Variants in MORC1 observed in about 807,000 individuals in gnomAD.
The protein encoded by MORC1 is MORC family CW-type zinc finger 1, also known as MORC family CW-type zinc finger protein 1.
In MORC1, 59 loss-of-function variants were observed where a neutral mutation model predicts 134.9. The ratio of observed to expected loss-of-function variants is 0.44; its 90% CI spans 0.35 to 0.54. The LOEUF is 0.54. Among genes scored for constraint, MORC1 ranks in the 20% least tolerant of loss-of-function variants. The pLI is 0.00. For synonymous variants in MORC1, 395 were observed against 391.7 expected, an observed-to-expected ratio of 1.01 and a Z score of -0.10; for missense variants, 947 against 1,134.5, an observed-to-expected ratio of 0.83 and a Z score of 2.37.
chr3:109,004,281 G>A (rs9816154), intron 20 of MORC1, among the ~76,000 whole-genome samples: 3 of 152,018 alleles, frequency 2.0e-5, no homozygotes, highest in South Asian at 2.1e-4. Context: ...GAACAATATC[G>A]ACTCTTTAAG....
intron 6 of MORC1, among the ~76,000 whole-genome samples, chr3:109,096,703 A>T (rs1950837159): frequency 6.6e-6 from 1 of 152,188 alleles, no homozygotes; most frequent in Admixed American, 6.5e-5. Context: ...CCTATGGAGT[A>T]ATCATTCTCT....
At chr3:109,044,383 C>T (rs575062414) in intron 14 of MORC1, among the ~76,000 whole-genome samples, 1 of 151,448 alleles carries the variant, frequency 6.6e-6, no homozygotes, top group South Asian at 2.1e-4. Context: ...ACAGTGAAAC[C>T]CCATCTCTAC....
intron 20 of MORC1, among the ~76,000 whole-genome samples, chr3:109,002,845 T>A (rs928539600): frequency 1.3e-5 from 2 of 152,220 alleles, no homozygotes; most frequent in Non-Finnish European, 2.9e-5. Flanking sequence ...CTATAGTACC[T>A]GCCCTACTCC....
At position 108,958,668 on chromosome 3, in the gene MORC1, G is replaced by C. The variant is rs115684294; in HGVS notation, c.*297C>G. 1,331 of 165,052 alleles carry C rather than the reference G, an allele frequency of 8.1e-3. 7 individuals are homozygous for C. The highest frequency in any genetic ancestry group is 0.011 in the Non-Finnish European group (868 of 76,778). The allele number at this position is 165,052 out of a possible 1,614,324, so 10.2% of individuals were successfully genotyped here. A position where few individuals can be genotyped will look rare whatever the true frequency, so the allele number is the denominator to read the frequency against. On this transcript the variant is annotated 3_prime_UTR_variant, in exon 28 of 28. Transcript: ENST00000232603. ...TCTTTTAAGGAATAACAAAAGTTAA[G>C]CTTGAGTGACATTTTCATTTTTTTC...
chr3:109,101,337 A>AGGCTAACC lies in MORC1; in HGVS notation c.224-838_224-831dup, dbSNP rs1169896835. The AGGCTAACC allele has an allele frequency of 2.0e-5, 3 of 152,330 alleles. No individual in the cohort carries two copies. In the East Asian group the frequency reaches 5.8e-4, roughly 29 times the overall value. 9.4% of individuals were successfully genotyped at this position (152,330 alleles called of 1,614,324 possible). A position where few individuals can be genotyped will look rare whatever the true frequency, so the allele number is the denominator to read the frequency against. Reference sequence around the variant, plus strand: ...CTGCTCTGATACTACCTGGGAAAGAAGGCTAACCATTTCAGACGTTCCAAA... The same window carrying AGGCTAACC: ...CTGCTCTGATACTACCTGGGAAAGAAGGCTAACCGGCTAACCATTTCAGACGTTCCAAA... On this transcript the variant is annotated intron_variant, in intron 4 of 27. Transcript: ENST00000232603.
intron 21 of MORC1, among the ~76,000 whole-genome samples, chr3:108,997,699 G>A (rs1948272890): frequency 6.6e-6 from 1 of 152,110 alleles, no homozygotes; most frequent in African/African-American, 2.4e-5. Flanking sequence ...TGAATGATCA[G>A]ATGGCTAAAA....
rs1469419713 is a variant in MORC1, at chr3:108,986,862, G to A, written c.2257+18C>T. 3 of 1,415,380 alleles carry A rather than the reference G, an allele frequency of 2.1e-6. No homozygotes were observed. Among genetic ancestry groups the A allele is most frequent in the South Asian group, 1.3e-5 (1 of 75,688 alleles). 87.7% of individuals were successfully genotyped at this position (1,415,380 alleles called of 1,614,324 possible). A position where few individuals can be genotyped will look rare whatever the true frequency, so the allele number is the denominator to read the frequency against. Reference sequence around the variant, plus strand: ...TTATAGCTAATATATATATATACATGAGCTGATTTTTTTTTACCTTGGTTT... The same window carrying A: ...TTATAGCTAATATATATATATACATAAGCTGATTTTTTTTTACCTTGGTTT... On this transcript the variant is annotated intron_variant, in intron 22 of 27. Coordinates refer to ENST00000232603, the MANE Select transcript of MORC1 (RefSeq NM_014429.4).
chr3:109,076,528 G>GT (rs2107723615), intron 8 of MORC1, among the ~76,000 whole-genome samples: 1 of 152,266 alleles, frequency 6.6e-6, no homozygotes, highest in East Asian at 1.9e-4. Context: ...ACGTGCACAC[G>GT]TATGTTTATT....
Position 109,023,874 on chromosome 3 carries a change from G to C in MORC1, c.1704+3877C>G, listed in dbSNP as rs566684693. Among the ~76,000 whole-genome samples, 21 of 152,310 alleles carry C rather than the reference G, an allele frequency of 1.4e-4. 1 individual carries two copies. In the South Asian group the frequency reaches 4.4e-3, roughly 32 times the overall value. On this transcript the variant is annotated intron_variant, in intron 17 of 27. Transcript: ENST00000232603. Reference sequence around the variant, plus strand: ...ATCACTTGGCCAGCAGGTGGCACTTGTCACTCGGTATAGAAAACAGCAGGT... The same window carrying C: ...ATCACTTGGCCAGCAGGTGGCACTTCTCACTCGGTATAGAAAACAGCAGGT...
rs1183533336 is a variant in MORC1, at chr3:109,005,261, A to AT, written c.1821dup (p.Ser608IlefsTer6). ...GCTGAAAGCTCAAAGGATGAAAGAG[A>AT]TTCATGCTTCAAGTCATCGCCCAAA... On this transcript the variant is annotated frameshift_variant, in exon 19 of 28. Coordinates refer to ENST00000232603, the MANE Select transcript of MORC1 (RefSeq NM_014429.4). LOFTEE classifies it high-confidence loss of function. 16 of 1,613,068 alleles carry AT rather than the reference A, an allele frequency of 9.9e-6. No homozygotes were observed. The highest frequency in any genetic ancestry group is 1.3e-5 in the Non-Finnish European group (15 of 1,179,728).
chr3:108,961,069 A>T (rs953208246), intron 27 of MORC1, among the ~76,000 whole-genome samples: 7 of 152,186 alleles, frequency 4.6e-5, no homozygotes, highest in African/African-American at 1.7e-4. Context: ...GACTGATCTA[A>T]ATCTCATTCC....
intron 2 of MORC1, among the ~76,000 whole-genome samples, chr3:109,111,117 A>G (rs1951161256): frequency 6.6e-6 from 1 of 151,412 alleles, no homozygotes; most frequent in Admixed American, 6.6e-5. Flanking sequence ...AATGTTTTTC[A>G]TATTTTAGTT....
intron 14 of MORC1, among the ~76,000 whole-genome samples, chr3:109,045,008 A>C (rs959059462): frequency 1.3e-5 from 2 of 152,044 alleles, no homozygotes; most frequent in Admixed American, 6.6e-5. Flanking sequence ...GTATCTGTTC[A>C]TAGAACATAC....
At chr3:108,965,729 G>C (rs1947202318) in intron 26 of MORC1, among the ~76,000 whole-genome samples, 1 of 151,940 alleles carries the variant, frequency 6.6e-6, no homozygotes, top group Non-Finnish European at 1.5e-5. Context: ...TTATGCACTG[G>C]GGAAACCGGG....
intron 23 of MORC1, among the ~76,000 whole-genome samples, chr3:108,979,934 T>C (rs1391070450): frequency 3.9e-5 from 6 of 152,186 alleles, no homozygotes; most frequent in Admixed American, 3.9e-4. Context: ...ACAGTAGTCA[T>C]ATACTACTTG....
At chr3:109,010,266 T>C (rs1196701675) in intron 17 of MORC1, among the ~76,000 whole-genome samples, 1 of 152,214 alleles carries the variant, frequency 6.6e-6, no homozygotes, top group African/African-American at 2.4e-5. Context: ...ATCCCCACTA[T>C]GCTTACCAAA....
intron 14 of MORC1, 58 bp from the exon 15 acceptor site, chr3:109,035,526 A>G (rs892207589): frequency 8.7e-7 from 1 of 1,150,436 alleles, no homozygotes; most frequent in Non-Finnish European, 1.2e-6. Flanking sequence ...AATCAAAACA[A>G]TTGGCAAAGG....
chr3:109,062,422 C>CTTT (rs757502962), intron 10 of MORC1, among the ~76,000 whole-genome samples: 1 of 139,038 alleles, frequency 7.2e-6, no homozygotes. Context: ...GAACATCCTT[C>CTTT]TTTTTTTTTT....
rs747236904 is a variant in MORC1, at chr3:109,016,103, T to C, written c.1705-9012A>G. Reference sequence around the variant, plus strand: ...GCATGAAACAACGTTTTGACTGTTTTGACTGCAACCTGTCACATAAACCAG... The same window carrying C: ...GCATGAAACAACGTTTTGACTGTTTCGACTGCAACCTGTCACATAAACCAG... On this transcript the variant is annotated intron_variant, in intron 17 of 27. Transcript: ENST00000232603. Among the ~76,000 whole-genome samples, 40 of 152,348 alleles carry C rather than the reference T, an allele frequency of 2.6e-4. 1 individual carries two copies. The Middle Eastern group carries it at 0.01, about 39-fold the overall frequency.
Sources: gnomAD v4.1 joint callset for allele counts (sites outside exome capture counted in the v4.1 genomes callset) on GRCh38, gnomAD v4.1.1 for gene constraint, MANE v1.5 for transcripts, NCBI Gene and HGNC (gene_info 2026-07-23, HGNC 2026-07-21) for gene names.